Variants in NAAA observed in about 807,000 individuals in gnomAD.
The protein encoded by NAAA is N-acylethanolamine acid amidase, also known as N-acylethanolamine-hydrolyzing acid amidase.
Under a neutral mutation model 44.8 loss-of-function variants are expected in NAAA, and 39 were observed. The ratio of observed to expected loss-of-function variants is 0.87; its 90% confidence interval spans 0.67 to 1.14. The LOEUF is 1.14. NAAA is among the 50% of genes most tolerant of loss of function. The probability of loss-of-function intolerance (pLI) is 0.00; values close to 1 mark genes in which losing one functional copy is unlikely to be tolerated. For missense variants in NAAA, 460 were observed against 467.8 expected, an observed-to-expected ratio of 0.98 and a Z score of 0.15; for synonymous variants, 178 against 191.3, an observed-to-expected ratio of 0.93 and a Z score of 0.58.
chr4:75,939,826 G>A (rs1221351331), intron 2 of NAAA, 175 bp downstream of exon 2: 9 of 660,970 alleles, frequency 1.4e-5, no homozygotes, highest in Non-Finnish European at 1.8e-5. Context: ...CCCTCTCGAA[G>A]CCTACGATGT....
At chr4:75,911,780 G>C (rs919640446), downstream of NAAA, among the ~76,000 whole-genome samples, 2 of 152,090 alleles carry the variant, frequency 1.3e-5, no homozygotes, top group African/African-American at 2.4e-5. Flanking sequence ...GAGCAGTAAG[G>C]GATTATAGAA....
intron 5 of NAAA, among the ~76,000 whole-genome samples, chr4:75,923,012 A>G (rs2149256791): frequency 6.6e-6 from 1 of 151,932 alleles, no homozygotes; most frequent in Non-Finnish European, 1.5e-5. Context: ...GCTAATAGAC[A>G]TGGAGTTTCT....
chr4:75,919,992 C>CGAAGG lies in NAAA; in HGVS notation c.903-22_903-18dup. ...GCAGATGTTCTGTAAGGACAAAGGT[C>CGAAGG]GAAGGTCACTTGGCATTTCAACAAG... is the stretch of plus-strand genomic sequence containing the variant. On this transcript the variant is annotated splice_polypyrimidine_tract_variant and intron_variant, in intron 7 of 10. Transcript: ENST00000286733. 1 of 1,610,992 alleles carries CGAAGG rather than the reference C, an allele frequency of 6.2e-7. No homozygotes were observed.
chr4:75,912,558 A>AAC (rs199906701), downstream of NAAA, among the ~76,000 whole-genome samples: 10,881 of 150,598 alleles, frequency 0.072, 652 homozygotes, highest in African/African-American at 0.16. Context: ...TGTCTGGAAA[A>AAC]AAAAAAAAAA....
chr4:75,935,283 TAA>T, intron 3 of NAAA: 1 of 152,352 alleles, frequency 6.6e-6, no homozygotes, highest in African/African-American at 2.4e-5. Flanking sequence ...AATCAACCCC[TAA>T]ATGCAAAGAA....
chr4:75,912,773 CAA>C (rs112998583), downstream of NAAA, among the ~76,000 whole-genome samples: 186 of 142,878 alleles, frequency 1.3e-3, no homozygotes, highest in African/African-American at 4.5e-3. Flanking sequence ...GACCCTGTCT[CAA>C]AAAAAAAAAG....
intron 4 of NAAA, among the ~76,000 whole-genome samples, chr4:75,927,647 C>G (rs1317957275): frequency 3.7e-5 from 2 of 54,586 alleles, no homozygotes; most frequent in South Asian, 1.6e-3. Flanking sequence ...CCCCCCCCCC[C>G]GCCAAAAAAA....
chr4:75,918,843 C>T, intron 8 of NAAA, 54 bp from the exon 9 acceptor site: 1 of 1,529,454 alleles, frequency 6.5e-7, no homozygotes, highest in Non-Finnish European at 9.0e-7. Flanking sequence ...AAGAAATACA[C>T]ATAGAATATC....
At position 75,936,576 on chromosome 4, in the gene NAAA, T is replaced by C. The variant is rs551447478; in HGVS notation, c.372-341A>G. Among the ~76,000 whole-genome samples the C allele has an allele frequency of 8.5e-5, 13 of 152,360 alleles. No homozygotes were observed. The South Asian group carries it at 2.1e-3, about 24-fold the overall frequency. On this transcript the variant is annotated intron_variant, in intron 2 of 10. Coordinates refer to ENST00000286733, the MANE Select transcript of NAAA (RefSeq NM_014435.4). ...CAGGACACCTCTGAACTCTGCTTTT[T>C]CCTCTGCATGGCAGCATGTATTCTA...
chr4:75,940,943 T>C lies in NAAA; in HGVS notation c.7A>G (p.Thr3Ala). The C allele has an allele frequency of 1.3e-6, 2 of 1,493,088 alleles. No individual in the cohort carries two copies. The highest frequency in any genetic ancestry group is 2.2e-5 in the Admixed American group (1 of 45,962). 92.5% of individuals were successfully genotyped at this position (1,493,088 alleles called of 1,614,324 possible). A position where few individuals can be genotyped will look rare whatever the true frequency, so the allele number is the denominator to read the frequency against. Reference sequence around the variant, plus strand: ...CCCGGGCGCGCCTCCCGGTCCGCGGTCCGCATGGCTCGGGCTCCAGCGGCC... The same window carrying C: ...CCCGGGCGCGCCTCCCGGTCCGCGGCCCGCATGGCTCGGGCTCCAGCGGCC... MRTADREARPGLP... is the reference protein window; with the variant it reads MRAADREARPGLP... The change falls in exon 1 of 11, where the codon ACC becomes GCC. Residue 3 changes from threonine (T) to alanine (A), a missense_variant. By Grantham distance (58) the Thr-to-Ala change is moderately conservative (BLOSUM62 0). Coordinates refer to ENST00000286733, the MANE Select transcript of NAAA (RefSeq NM_014435.4).
At chr4:75,931,839 T>C (rs566614904) in intron 3 of NAAA, among the ~76,000 whole-genome samples, 6 of 152,248 alleles carry the variant, frequency 3.9e-5, no homozygotes, top group Non-Finnish European at 7.3e-5. Context: ...CCTACGTATT[T>C]TATTTTATGT....
At chr4:75,911,207 T>C, downstream of NAAA, 1 of 441,354 alleles carries the variant, frequency 2.3e-6, no homozygotes, top group Non-Finnish European at 4.5e-6. Context: ...TGTCATCAGT[T>C]AAGGCAGGAA....
At position 75,931,254 on chromosome 4, in the gene NAAA, G is replaced by A. The variant is rs1355422156; in HGVS notation, c.549C>T (p.Gly183=). The A allele has an allele frequency of 5.0e-6, 8 of 1,612,852 alleles. No homozygotes were observed. Among genetic ancestry groups the A allele is most frequent in the Non-Finnish European group, 6.8e-6 (8 of 1,179,140 alleles). Residue 183 remains glycine (G), a synonymous_variant, in exon 4 of 11, where the codon GGC becomes GGT. Coordinates refer to ENST00000286733, the MANE Select transcript of NAAA (RefSeq NM_014435.4). The part of the protein sequence containing the change: ...TFIGYVGLWT[G]QSPHKFTVSG... The stretch of plus-strand genomic sequence containing the variant: ...AAACTGTAAACTTGTGTGGGCTCTG[G>A]CCAGTCCATAATCCTACATAGCCAA...
chr4:75,914,220 A>C lies in NAAA; in HGVS notation c.*155T>G. On this transcript the variant is annotated 3_prime_UTR_variant, in exon 11 of 11. Coordinates refer to ENST00000286733, the MANE Select transcript of NAAA (RefSeq NM_014435.4). ...TCCAAATCTCCTGGACCCACTTCGC[A>C]AGGTTGTAAAGTTAAATGAGGAAGG... 1.0e-6 allele frequency: 1 copy of C among 985,796 alleles called. No individual in the cohort carries two copies. Among genetic ancestry groups the C allele is most frequent in the Non-Finnish European group, 1.2e-6 (1 of 829,926 alleles). 61.1% of individuals were successfully genotyped at this position (985,796 alleles called of 1,614,324 possible). A position where few individuals can be genotyped will look rare whatever the true frequency, so the allele number is the denominator to read the frequency against.
At chr4:75,922,355 G>A (rs1016535555) in intron 5 of NAAA, among the ~76,000 whole-genome samples, 2 of 150,164 alleles carry the variant, frequency 1.3e-5, no homozygotes, top group Admixed American at 6.6e-5. Context: ...TCCAGCCTGG[G>A]TGACAGAGTG....
intron 5 of NAAA, among the ~76,000 whole-genome samples, chr4:75,921,629 C>T (rs994033290): frequency 3.3e-5 from 5 of 152,058 alleles, no homozygotes; most frequent in Non-Finnish European, 7.4e-5. Flanking sequence ...ATGCTATGGA[C>T]GTCACAGTAG....
chr4:75,919,802 T>C, intron 8 of NAAA, 107 bp downstream of exon 8: 1 of 1,137,572 alleles, frequency 8.8e-7, no homozygotes, highest in Non-Finnish European at 1.3e-6. Context: ...AATAAAACTT[T>C]TACCCTAACG....
chr4:75,938,914 A>G (rs1303701022), intron 2 of NAAA, among the ~76,000 whole-genome samples: 1 of 152,196 alleles, frequency 6.6e-6, no homozygotes, highest in Non-Finnish European at 1.5e-5. Context: ...CAATGGTGCC[A>G]TCTTGGCTCA....
chr4:75,917,305 G>T (rs1165212427), intron 9 of NAAA, among the ~76,000 whole-genome samples: 2 of 152,110 alleles, frequency 1.3e-5, no homozygotes, highest in African/African-American at 4.8e-5. Flanking sequence ...AGCCATGTGG[G>T]AGTATTCACA....
Sources: allele counts gnomAD v4.1 joint callset (sites outside exome capture counted in the v4.1 genomes callset), GRCh38; gene constraint gnomAD v4.1.1; transcripts MANE v1.5; gene names NCBI Gene and HGNC (gene_info 2026-07-23, HGNC 2026-07-21).